Variants in MITF observed in about 807,000 individuals in gnomAD.
The protein encoded by MITF is microphthalmia-associated transcription factor.
Under a neutral mutation model 60.5 loss-of-function variants are expected in MITF, and 17 were observed. The ratio of observed to expected loss-of-function variants is 0.28; its 90% CI spans 0.19 to 0.42. The LOEUF is 0.42. MITF is among the 10% of genes least tolerant of loss of function. The pLI is 1.00. For synonymous variants in MITF, 260 were observed against 248.5 expected (o/e 1.05, Z -0.43); for missense variants, 622 against 683.5 (o/e 0.91, Z 1.00).
intron 1 of MITF, among the ~76,000 whole-genome samples, chr3:69,818,505 T>G (rs1007340949): frequency 6.6e-6 from 1 of 152,168 alleles, no homozygotes; most frequent in African/African-American, 2.4e-5. Flanking sequence ...TTTTCCAATA[T>G]TAATGCTCAT....
intron 1 of MITF, among the ~76,000 whole-genome samples, chr3:69,816,201 G>A (rs62251033): frequency 0.16 from 24,930 of 152,060 alleles, 2,213 homozygotes; most frequent in South Asian, 0.21. Context: ...CAAAGACTCA[G>A]GGACACACCT....
chr3:69,780,238 A>G (rs945053724), intron 1 of MITF, among the ~76,000 whole-genome samples: 6 of 152,186 alleles, frequency 3.9e-5, no homozygotes, highest in Admixed American at 3.9e-4. Flanking sequence ...GATAACTACT[A>G]TTCTACCACT....
chr3:69,892,480 G>A (rs1236082820), intron 2 of MITF, among the ~76,000 whole-genome samples: 1 of 152,040 alleles, frequency 6.6e-6, no homozygotes, highest in African/African-American at 2.4e-5. Context: ...TTCACTCTTG[G>A]TTTTGTGCAT....
At chr3:69,873,026 G>A (rs1364997102) in intron 1 of MITF, among the ~76,000 whole-genome samples, 1 of 152,118 alleles carries the variant, frequency 6.6e-6, no homozygotes, top group Non-Finnish European at 1.5e-5. Flanking sequence ...CAGAGACCTG[G>A]AGTATTTATT....
chr3:69,777,623 G>T (rs180843295), intron 1 of MITF, among the ~76,000 whole-genome samples: 1 of 152,280 alleles, frequency 6.6e-6, no homozygotes, highest in African/African-American at 2.4e-5. Flanking sequence ...TCGCATCAAG[G>T]CCTGGATGTC....
rs2066721188 is a variant in MITF at position 69,967,603 on chromosome 3, C to T, written c.*2355C>T. 1 of 233,516 alleles carries T rather than the reference C, an allele frequency of 4.3e-6. No individual in the cohort carries two copies. The highest frequency in any genetic ancestry group is 5.6e-5 in the Admixed American group (1 of 17,792). The allele number at this position is 233,516 out of a possible 1,614,324, so 14.5% of individuals were successfully genotyped here. ...TGTACCACTGCCCTGACTGTCACAA[C>T]TCCTAACCTTGCCATTGCCTGCCTC... On this transcript the variant is annotated 3_prime_UTR_variant, in exon 10 of 10. Transcript: ENST00000352241.
At chr3:69,964,816 T>C in intron 9 of MITF, 31 bp from the exon 10 acceptor site, 1 of 1,610,994 alleles carries the variant, frequency 6.2e-7, no homozygotes, top group Non-Finnish European at 8.5e-7. Flanking sequence ...GCTCTGCCTA[T>C]TTCAGTGTTT....
intron 2 of MITF, among the ~76,000 whole-genome samples, chr3:69,916,428 T>C (rs1465068035): frequency 2.0e-5 from 3 of 152,204 alleles, no homozygotes. Context: ...TCTTTAATAA[T>C]AAAATTAGTA....
intron 8 of MITF, among the ~76,000 whole-genome samples, chr3:69,957,174 C>A (rs1292733211): frequency 6.6e-6 from 1 of 152,160 alleles, no homozygotes; most frequent in Non-Finnish European, 1.5e-5. Context: ...GTCTTTCCTA[C>A]CAGCCTATAG....
intron 2 of MITF, among the ~76,000 whole-genome samples, chr3:69,883,856 A>G (rs1559696338): frequency 6.6e-6 from 1 of 152,098 alleles, no homozygotes; most frequent in Non-Finnish European, 1.5e-5. Flanking sequence ...TATACTTATG[A>G]CCCTTGTAGT....
intron 1 of MITF, among the ~76,000 whole-genome samples, chr3:69,800,861 A>G (rs1162901256): frequency 6.6e-6 from 1 of 152,302 alleles, no homozygotes; most frequent in Middle Eastern, 3.4e-3. Context: ...GGGAAACAGC[A>G]TGCTTAGAGA....
chr3:69,756,971 T>A (rs1704174969), intron 1 of MITF, among the ~76,000 whole-genome samples: 1 of 152,186 alleles, frequency 6.6e-6, no homozygotes, highest in South Asian at 2.1e-4. Context: ...GCCCACTTTT[T>A]GGTGGGGTTG....
intron 2 of MITF, among the ~76,000 whole-genome samples, chr3:69,915,805 C>G (rs919363465): frequency 6.6e-6 from 1 of 152,172 alleles, no homozygotes; most frequent in African/African-American, 2.4e-5. Context: ...ATTCAGTCTT[C>G]CCACAGCCTT....
chr3:69,777,738 C>T (rs954014357), intron 1 of MITF, among the ~76,000 whole-genome samples: 2 of 152,082 alleles, frequency 1.3e-5, no homozygotes, highest in South Asian at 2.1e-4. Flanking sequence ...GGGGAACTTC[C>T]GCTAGGCATG....
At chr3:69,939,208 A>T (rs2065912900) in intron 4 of MITF, 27 bp downstream of exon 4, 1 of 1,592,644 alleles carries the variant, frequency 6.3e-7, no homozygotes, top group Non-Finnish European at 8.6e-7. Flanking sequence ...CAGCCTGAGG[A>T]TGAACACTTT....
At chr3:69,959,567 T>A in intron 9 of MITF, 147 bp downstream of exon 9, 1 of 1,083,878 alleles carries the variant, frequency 9.2e-7, no homozygotes, top group South Asian at 1.4e-5. Context: ...GTGTGTGAAT[T>A]TGCCTACTTG....
At chr3:69,838,667 T>C (rs1385399216) in intron 1 of MITF, 2 of 152,644 alleles carry the variant, frequency 1.3e-5, no homozygotes, top group African/African-American at 4.8e-5. Context: ...TTTTAAAATA[T>C]AAAGTGGTAA....
At chr3:69,858,192 A>T (rs1399826293) in intron 1 of MITF, among the ~76,000 whole-genome samples, 3 of 152,162 alleles carry the variant, frequency 2.0e-5, no homozygotes, top group African/African-American at 7.2e-5. Flanking sequence ...ACATTAATAT[A>T]CACTTTGATT....
chr3:69,939,475 A>G (rs540608791), intron 4 of MITF, among the ~76,000 whole-genome samples: 4 of 152,234 alleles, frequency 2.6e-5, no homozygotes, highest in Non-Finnish European at 5.9e-5. Context: ...TAATCCATAT[A>G]TGTTATACAA....
Sources: gnomAD v4.1 joint callset for allele counts (sites outside exome capture counted in the v4.1 genomes callset) on GRCh38, gnomAD v4.1.1 for gene constraint, MANE v1.5 for transcripts, NCBI Gene and HGNC (gene_info 2026-07-23, HGNC 2026-07-21) for gene names.